EYS: variants seen among roughly 807,000 people sequenced by gnomAD.
EYS encodes the protein protein eyes shut homolog.
A neutral mutation model predicts 282.1 loss-of-function variants in EYS; 250 were observed. That is an observed-to-expected ratio of 0.89 (90% CI 0.80 to 0.98). The LOEUF is 0.98. EYS is among the 50% of genes least tolerant of loss of function. The pLI is 0.00. For missense variants in EYS, 4,016 were observed against 3,709.0 expected (o/e 1.08, Z -2.15); for synonymous variants, 1,355 against 1,282.9 (o/e 1.06, Z -1.20).
chr6:64,963,584 A>G (rs183485466), intron 14 of EYS, among the ~76,000 whole-genome samples: 330 of 152,318 alleles, frequency 2.2e-3, no homozygotes, highest in African/African-American at 7.7e-3. Flanking sequence ...TGTGTGCACG[A>G]TAGCATAATT....
At chr6:64,626,332 G>T (rs951327344) in intron 22 of EYS, 87 bp from the exon 23 acceptor site, 20 of 1,451,612 alleles carry the variant, frequency 1.4e-5, no homozygotes, top group Non-Finnish European at 1.8e-5. Flanking sequence ...TCATTCAAAC[G>T]TGTTTTCAGA....
chr6:65,308,622 ATC>A (rs1326088658), intron 11 of EYS, among the ~76,000 whole-genome samples: 3 of 150,618 alleles, frequency 2.0e-5, no homozygotes, highest in Non-Finnish European at 4.4e-5. Context: ...GCCAAGGGGA[ATC>A]TGTTTCCTTT....
chr6:63,740,236 T>G (rs1769039982), intron 41 of EYS, among the ~76,000 whole-genome samples: 1 of 152,016 alleles, frequency 6.6e-6, no homozygotes, highest in Non-Finnish European at 1.5e-5. Context: ...GATTGAGTCA[T>G]GGGGGCAGGT....
intron 41 of EYS, among the ~76,000 whole-genome samples, chr6:63,740,032 A>T (rs1163964176): frequency 6.6e-6 from 1 of 152,078 alleles, no homozygotes; most frequent in Non-Finnish European, 1.5e-5. Flanking sequence ...AGCACTTAAG[A>T]TTACATGAAA....
chr6:64,078,938 A>G (rs1771864122), intron 32 of EYS, among the ~76,000 whole-genome samples: 1 of 152,106 alleles, frequency 6.6e-6, no homozygotes, highest in Non-Finnish European at 1.5e-5. Flanking sequence ...CCAGAGCAGG[A>G]TAATTCCCAG....
At chr6:64,359,936 T>A (rs1263320461) in intron 29 of EYS, among the ~76,000 whole-genome samples, 5 of 151,612 alleles carry the variant, frequency 3.3e-5, no homozygotes, top group Admixed American at 3.3e-4. Context: ...GCAAGTATCA[T>A]CTCTTTTCCA....
intron 1 of EYS, among the ~76,000 whole-genome samples, chr6:65,685,073 C>T (rs1401834323): frequency 1.3e-5 from 2 of 151,904 alleles, no homozygotes; most frequent in Non-Finnish European, 2.9e-5. Context: ...GTAGTCCAAC[C>T]TATAATAGGG....
At chr6:64,576,228 C>T (rs1299724517) in intron 26 of EYS, among the ~76,000 whole-genome samples, 2 of 152,032 alleles carry the variant, frequency 1.3e-5, no homozygotes, top group East Asian at 1.9e-4. Context: ...AGTGAGAGTT[C>T]GCCAAAATCA....
chr6:65,182,541 T>A (rs543218070), intron 12 of EYS, among the ~76,000 whole-genome samples: 2 of 151,952 alleles, frequency 1.3e-5, no homozygotes, highest in East Asian at 3.9e-4. Context: ...CATGATTTTT[T>A]AAATTTCCTT....
At chr6:64,748,058 T>G (rs1181969472) in intron 22 of EYS, among the ~76,000 whole-genome samples, 2 of 152,210 alleles carry the variant, frequency 1.3e-5, no homozygotes, top group East Asian at 3.9e-4. Context: ...AATACAGTAC[T>G]GCTAAGAGTG....
At chr6:64,019,999 T>G (rs540016328) in intron 33 of EYS, among the ~76,000 whole-genome samples, 2 of 152,004 alleles carry the variant, frequency 1.3e-5, no homozygotes, top group South Asian at 4.1e-4. Context: ...GTGTATCTCC[T>G]CTTAACATTT....
At chr6:64,147,466 A>C (rs1421877999) in intron 31 of EYS, among the ~76,000 whole-genome samples, 1 of 152,200 alleles carries the variant, frequency 6.6e-6, no homozygotes, top group African/African-American at 2.4e-5. Flanking sequence ...CAAAGGGAGA[A>C]TACAATAAAT....
intron 30 of EYS, among the ~76,000 whole-genome samples, chr6:64,278,589 C>T (rs1768196150): frequency 6.6e-6 from 1 of 152,082 alleles, no homozygotes; most frequent in Non-Finnish European, 1.5e-5. Flanking sequence ...ATTTCACTGC[C>T]TAAAAGTTCA....
At chr6:64,321,288 A>G (rs1770211685) in intron 29 of EYS, among the ~76,000 whole-genome samples, 1 of 151,768 alleles carries the variant, frequency 6.6e-6, no homozygotes, top group South Asian at 2.1e-4. Context: ...CCTATGGTGA[A>G]TCTACTCTAA....
intron 2 of EYS, among the ~76,000 whole-genome samples, chr6:65,548,589 A>C (rs1454942378): frequency 1.3e-5 from 2 of 152,140 alleles, no homozygotes; most frequent in Non-Finnish European, 2.9e-5. Flanking sequence ...ATCCATTTCC[A>C]AGAAATTCTG....
chr6:64,382,793 G>C (rs1772788928), intron 29 of EYS, among the ~76,000 whole-genome samples: 1 of 152,116 alleles, frequency 6.6e-6, no homozygotes, highest in Admixed American at 6.5e-5. Flanking sequence ...CCGGACTATT[G>C]GCACTCAAGA....
chr6:64,720,280 C>G lies in EYS; in HGVS notation c.3443+93098G>C, dbSNP rs1771533821. On this transcript the variant is annotated intron_variant, in intron 22 of 42. Coordinates refer to ENST00000503581, the MANE Select transcript of EYS (RefSeq NM_001142800.2). The stretch of plus-strand genomic sequence containing the variant: ...TGCTTCCTTCATCACATCTCCTTCT[C>G]TCACCTTTTCCTTCCTGCATCCTTC... Among the ~76,000 whole-genome samples, 4 of 152,284 alleles carry G rather than the reference C, an allele frequency of 2.6e-5. No individual in the cohort carries two copies. In the South Asian group the frequency reaches 8.3e-4, roughly 32 times the overall value.
intron 26 of EYS, among the ~76,000 whole-genome samples, chr6:64,521,226 C>T (rs1010780271): frequency 6.6e-6 from 1 of 151,730 alleles, no homozygotes; most frequent in Non-Finnish European, 1.5e-5. Context: ...AGTTTGCTTA[C>T]ATATTAGGTT....
intron 5 of EYS, among the ~76,000 whole-genome samples, chr6:65,442,597 TA>T: frequency 6.6e-6 from 1 of 151,282 alleles, no homozygotes; most frequent in South Asian, 2.1e-4. Context: ...ACTAAAACTA[TA>T]AAAAAATTAG....
Sources: gnomAD v4.1 joint callset for allele counts (sites outside exome capture counted in the v4.1 genomes callset) on GRCh38, gnomAD v4.1.1 for gene constraint, MANE v1.5 for transcripts, NCBI Gene and HGNC (gene_info 2026-07-23, HGNC 2026-07-21) for gene names.